ZNF727: variants seen among roughly 807,000 people sequenced by gnomAD.
ZNF727 encodes zinc finger protein 727.
In ZNF727, 11 loss-of-function variants were observed where a neutral mutation model predicts 11.5. That is an observed-to-expected ratio of 0.95 (90% confidence interval 0.60 to 1.58). The LOEUF (loss-of-function observed/expected upper bound fraction) is 1.58, where lower values mean the gene tolerates loss of function less well. Ranked by LOEUF, ZNF727 falls within the 40% of genes most tolerant of loss-of-function variation. The pLI is 0.00. For missense variants in ZNF727, 533 were observed against 581.7 expected, an observed-to-expected ratio of 0.92 and a Z score of 0.86; for synonymous variants, 171 against 196.1, an observed-to-expected ratio of 0.87 and a Z score of 1.07.
intron 3 of ZNF727, among the ~76,000 whole-genome samples, chr7:64,072,833 G>A (rs948923709): frequency 7.2e-5 from 11 of 152,036 alleles, no homozygotes; most frequent in Admixed American, 2.0e-4. Context: ...GTTCTAGCAG[G>A]TTTTAAAACC....
In ZNF727 at chr7:64,085,201, T is replaced by C. The variant is rs1343415995; in HGVS notation, c.*6652T>C. Among the ~76,000 whole-genome samples, 1 of 152,190 alleles carries C rather than the reference T, an allele frequency of 6.6e-6. No individual in the cohort carries two copies. The highest frequency in any genetic ancestry group is 6.5e-5 in the Admixed American group (1 of 15,274). ...CACATGTAATTTCACACTGAGTGTA[T>C]TATTGTATGTTATTTAGTATATTTT... On this transcript the variant is annotated 3_prime_UTR_variant, in exon 4 of 4. Coordinates refer to ENST00000456806, the MANE Select transcript of ZNF727 (RefSeq NM_001159522.3).
At position 64,082,548 on chromosome 7, in the gene ZNF727, C is replaced by T. The variant is rs1190680448; in HGVS notation, c.*3999C>T. ...GGAAACCCCTGTTGAAAGGTCTTAC[C>T]CAGTGAGGAGAACATGACTGGGGAC... On this transcript the variant is annotated 3_prime_UTR_variant, in exon 4 of 4. Coordinates refer to ENST00000456806, the MANE Select transcript of ZNF727 (RefSeq NM_001159522.3). Among the ~76,000 whole-genome samples the T allele has an allele frequency of 1.3e-5, 2 of 152,120 alleles. No homozygotes were observed. Among genetic ancestry groups the T allele is most frequent in the Non-Finnish European group, 2.9e-5 (2 of 68,016 alleles).
chr7:64,048,892 A>T (rs1239428038), intron 1 of ZNF727, among the ~76,000 whole-genome samples: 1 of 152,194 alleles, frequency 6.6e-6, no homozygotes, highest in Non-Finnish European at 1.5e-5. Flanking sequence ...CAGAATCTTC[A>T]TCTAAAACAG....
rs1162609382 is a variant in ZNF727, at chr7:64,085,331, G to T, written c.*6782G>T. Among the ~76,000 whole-genome samples, 1 of 151,936 alleles carries T rather than the reference G, an allele frequency of 6.6e-6. No homozygotes were observed. The highest frequency in any genetic ancestry group is 1.5e-5 in the Non-Finnish European group (1 of 67,998). On this transcript the variant is annotated 3_prime_UTR_variant, in exon 4 of 4. Coordinates refer to ENST00000456806, the MANE Select transcript of ZNF727 (RefSeq NM_001159522.3). ...TAATTGATTTTATTAAATTTATTGGGTCAATTTATTCAAGTAGAGTTGAAC... is the reference window on the plus strand; with the variant it reads ...TAATTGATTTTATTAAATTTATTGGTTCAATTTATTCAAGTAGAGTTGAAC...
chr7:64,064,174 C>G (rs907299671), intron 1 of ZNF727, among the ~76,000 whole-genome samples: 20 of 152,112 alleles, frequency 1.3e-4, no homozygotes, highest in African/African-American at 4.8e-4. Flanking sequence ...TTTTACTCTT[C>G]CCTCTCTTTT....
chr7:64,049,601 AT>A (rs1296716312), intron 1 of ZNF727, among the ~76,000 whole-genome samples: 4 of 151,922 alleles, frequency 2.6e-5, no homozygotes, highest in African/African-American at 9.6e-5. Context: ...TTAGAAATAT[AT>A]ATTTTATAAT....
intron 3 of ZNF727, among the ~76,000 whole-genome samples, chr7:64,077,024 T>C (rs1785677267): frequency 6.6e-6 from 1 of 152,184 alleles, no homozygotes; most frequent in Admixed American, 6.6e-5. Context: ...GAAATACTTT[T>C]ATTACACTTC....
At position 64,080,942 on chromosome 7, in the gene ZNF727, A is replaced by G. The variant is rs1785777076; in HGVS notation, c.*2393A>G. Among the ~76,000 whole-genome samples, 1 of 151,242 alleles carries G rather than the reference A, an allele frequency of 6.6e-6. No individual in the cohort carries two copies. Among genetic ancestry groups the G allele is most frequent in the Non-Finnish European group, 1.5e-5 (1 of 67,840 alleles). Reference sequence around the variant, plus strand: ...GGGCAATGCTCAGCTCACAACTCAGAGGCTGCATACTCTAAATGCTCAGCT... The same window carrying G: ...GGGCAATGCTCAGCTCACAACTCAGGGGCTGCATACTCTAAATGCTCAGCT... On this transcript the variant is annotated 3_prime_UTR_variant, in exon 4 of 4. Coordinates refer to ENST00000456806, the MANE Select transcript of ZNF727 (RefSeq NM_001159522.3).
At chr7:64,056,633 AC>A (rs5884533) in intron 1 of ZNF727, among the ~76,000 whole-genome samples, 97,031 of 151,954 alleles carry the variant, frequency 0.64, 31,723 homozygotes, top group Non-Finnish European at 0.71. Context: ...TAACTGAGTA[AC>A]AGTAATAAGA....
At chr7:64,052,637 C>T (rs551640632) in intron 1 of ZNF727, among the ~76,000 whole-genome samples, 1 of 152,170 alleles carries the variant, frequency 6.6e-6, no homozygotes. Context: ...CCTCCAGACC[C>T]CAGAATGGCA....
rs376201644 is a variant in ZNF727 at position 64,069,544 on chromosome 7, C to T, written c.161C>T (p.Thr54Ile). The stretch of plus-strand genomic sequence containing the variant: ...GCTATCTTTAAGCCAGACTTGATTA[C>T]CTATCTGGAGCAAAGAAAAGAGCCT... The part of the protein sequence containing the change: ...GLAIFKPDLI[T>I]YLEQRKEPWN... The change falls in exon 3 of 4, where the codon ACC becomes ATC. Residue 54 changes from threonine (T) to isoleucine (I), a missense_variant. By Grantham distance (89) the Thr-to-Ile change is moderately conservative. This residue lies in a region of ZNF727 where 463 missense variants were observed against 494.5 expected (regional missense o/e 0.94). Coordinates refer to ENST00000456806, the MANE Select transcript of ZNF727 (RefSeq NM_001159522.3). 1.9e-6 allele frequency: 3 copies of T among 1,560,732 alleles called. No homozygotes were observed. Among genetic ancestry groups the T allele is most frequent in the Non-Finnish European group, 2.6e-6 (3 of 1,151,704 alleles).
chr7:64,074,073 G>A (rs1790004611), intron 3 of ZNF727, among the ~76,000 whole-genome samples: 1 of 152,070 alleles, frequency 6.6e-6, no homozygotes, highest in South Asian at 2.1e-4. Context: ...AGGTTGGGTT[G>A]GAAAGTCTTT....
chr7:64,073,730 C>G (rs1789998892), intron 3 of ZNF727, among the ~76,000 whole-genome samples: 1 of 152,076 alleles, frequency 6.6e-6, no homozygotes, highest in South Asian at 2.1e-4. Context: ...CAAACATGTT[C>G]TCAGTTGTCT....
chr7:64,067,805 G>A (rs1162152951), intron 1 of ZNF727, among the ~76,000 whole-genome samples: 2 of 151,992 alleles, frequency 1.3e-5, no homozygotes, highest in African/African-American at 4.8e-5. Context: ...TTAAAACCTC[G>A]ACGACAGGTT....
intron 3 of ZNF727, 122 bp from the exon 4 acceptor site, chr7:64,077,154 T>C (rs1785679006): frequency 1.0e-6 from 1 of 997,182 alleles, no homozygotes; most frequent in Non-Finnish European, 1.4e-6. Flanking sequence ...ATAAAGGAAG[T>C]AGAGCCTGTG....
rs1785753259 is a variant in ZNF727 at position 64,079,740 on chromosome 7, G to A, written c.*1191G>A. ...GCTATTTTGCACATTTGTTTATGTGGTGGCTTTATCATGTCAGTGGTTTGT... is the reference window on the plus strand; with the variant it reads ...GCTATTTTGCACATTTGTTTATGTGATGGCTTTATCATGTCAGTGGTTTGT... On this transcript the variant is annotated 3_prime_UTR_variant, in exon 4 of 4. Coordinates refer to ENST00000456806, the MANE Select transcript of ZNF727 (RefSeq NM_001159522.3). Among the ~76,000 whole-genome samples, 2 of 152,126 alleles carry A rather than the reference G, an allele frequency of 1.3e-5. No individual in the cohort carries two copies. Among genetic ancestry groups the A allele is most frequent in the African/African-American group, 4.8e-5 (2 of 41,440 alleles).
chr7:64,045,568 T>C lies in ZNF727; in HGVS notation c.-54T>C. The C allele has an allele frequency of 7.7e-6, 12 of 1,552,016 alleles. No individual in the cohort carries two copies. The highest frequency in any genetic ancestry group is 9.6e-6 in the Non-Finnish European group (11 of 1,147,070). On this transcript the variant is annotated 5_prime_UTR_variant, in exon 1 of 4. Transcript: ENST00000456806. The stretch of plus-strand genomic sequence containing the variant: ...CCATAGCCCCTGTTATCCTGTGACC[T>C]GCAGGTACTGGGAGATCCATAGGGA...
Position 64,078,073 on chromosome 7 carries a change from T to C in ZNF727, c.1024T>C (p.Cys342Arg), listed in dbSNP as rs1453699758. The C allele has an allele frequency of 6.2e-7, 1 of 1,611,724 alleles. No individual in the cohort carries two copies. Among genetic ancestry groups the C allele is most frequent in the South Asian group, 1.1e-5 (1 of 90,804 alleles). ...RIHTGEKPYICEECGKAFTYS... is the reference protein window; with the variant it reads ...RIHTGEKPYIREECGKAFTYS... ...TCATACTGGAGAGAAACCCTACATT[T>C]GTGAAGAATGTGGCAAAGCCTTTAC... is the stretch of plus-strand genomic sequence containing the variant. Residue 342 changes from cysteine to arginine, a missense_variant, in exon 4 of 4, where the codon TGT becomes CGT. By Grantham distance (180) the Cys-to-Arg change is radical. Coordinates refer to ENST00000456806, the MANE Select transcript of ZNF727 (RefSeq NM_001159522.3).
chr7:64,051,141 C>A (rs1584140626), intron 1 of ZNF727, among the ~76,000 whole-genome samples: 1 of 152,072 alleles, frequency 6.6e-6, no homozygotes, highest in Non-Finnish European at 1.5e-5. Flanking sequence ...GGAGACTAAA[C>A]AAACAAAGCA....
Sources: allele counts gnomAD v4.1 joint callset (sites outside exome capture counted in the v4.1 genomes callset), GRCh38; gene constraint gnomAD v4.1.1; regional missense constraint gnomAD v4.1.1; transcripts MANE v1.5; gene names NCBI Gene and HGNC (gene_info 2026-07-23, HGNC 2026-07-21).